Variants in ZNF410 observed in about 807,000 individuals in gnomAD.
ZNF410 encodes zinc finger protein 410, also known as another partner for ARF 1.
In ZNF410, 18 loss-of-function variants were observed where a neutral mutation model predicts 54.8. The observed-to-expected ratio is 0.33, with a 90% confidence interval of 0.23 to 0.49. The LOEUF is 0.49. Among genes scored for constraint, ZNF410 ranks in the 20% least tolerant of loss-of-function variants. The probability of loss-of-function intolerance (pLI) is 0.99; values close to 1 mark genes in which losing one functional copy is unlikely to be tolerated. For synonymous variants in ZNF410, 191 were observed against 207.3 expected (o/e 0.92, Z 0.68); for missense variants, 405 against 569.6 (o/e 0.71, Z 2.94).
At chr14:73,929,463 A>G (rs2055879610) in intron 11 of ZNF410, among the ~76,000 whole-genome samples, 1 of 152,214 alleles carries the variant, frequency 6.6e-6, no homozygotes, top group African/African-American at 2.4e-5. Flanking sequence ...TATGGATCAA[A>G]GTCTACTGAT....
intron 8 of ZNF410, chr14:73,913,735 C>T (rs2055621770): frequency 6.6e-6 from 1 of 152,234 alleles, no homozygotes; most frequent in South Asian, 2.1e-4. Flanking sequence ...CTCTCCAGTC[C>T]TCAGTTTCCT....
chr14:73,918,686 CTTTTTTTTTTTTTT>C (rs71115932), intron 8 of ZNF410, among the ~76,000 whole-genome samples: 8 of 74,644 alleles, frequency 1.1e-4, no homozygotes, highest in South Asian at 6.4e-4. Flanking sequence ...TTCATATGGC[CTTTTTTTTTTTTTT>C]TTTTTTTTTT....
At chr14:73,926,892 A>C (rs1207828439) in intron 11 of ZNF410, among the ~76,000 whole-genome samples, 1 of 152,202 alleles carries the variant, frequency 6.6e-6, no homozygotes, top group Non-Finnish European at 1.5e-5. Context: ...CCTTGGCAAG[A>C]ATATTTCATA....
intron 7 of ZNF410, among the ~76,000 whole-genome samples, chr14:73,905,966 C>CACACAT (rs2055480646): frequency 1.2e-4 from 8 of 66,622 alleles, no homozygotes; most frequent in African/African-American, 3.7e-4. Flanking sequence ...CACACACACA[C>CACACAT]ACATATATAT....
At chr14:73,926,769 A>C (rs918888152) in intron 11 of ZNF410, among the ~76,000 whole-genome samples, 1 of 151,996 alleles carries the variant, frequency 6.6e-6, no homozygotes, top group Non-Finnish European at 1.5e-5. Flanking sequence ...AGATTTTCCC[A>C]CATTCTGGTT....
intron 8 of ZNF410, chr14:73,915,004 TG>T (rs940230573): frequency 1.3e-5 from 2 of 150,500 alleles, no homozygotes; most frequent in African/African-American, 4.9e-5. Context: ...GGCTCACACC[TG>T]CAATCCCAGC....
chr14:73,904,833 G>A, intron 6 of ZNF410, 69 bp from the exon 7 acceptor site: 3 of 1,517,978 alleles, frequency 2.0e-6, no homozygotes, highest in Non-Finnish European at 2.7e-6. Context: ...GAGTCAATAG[G>A]GGCTTTGACT....
At chr14:73,901,132 A>C (rs932801469) in intron 5 of ZNF410, among the ~76,000 whole-genome samples, 1 of 152,202 alleles carries the variant, frequency 6.6e-6, no homozygotes, top group African/African-American at 2.4e-5. Context: ...ATTTTGCATA[A>C]GATGTTGTAT....
At chr14:73,907,897 A>G (rs199567548) in intron 7 of ZNF410, among the ~76,000 whole-genome samples, 11,449 of 151,752 alleles carry the variant, frequency 0.075, 856 homozygotes, top group East Asian at 0.43. Context: ...CTGTCTTGAA[A>G]AAAAAAAAAA....
chr14:73,894,493 C>T (rs2055281543), intron 3 of ZNF410: 1 of 682,116 alleles, frequency 1.5e-6, no homozygotes, highest in Non-Finnish European at 2.7e-6. Flanking sequence ...GCAATCTTGG[C>T]TCACTGCAAC....
At chr14:73,929,103 G>A (rs975020115) in intron 11 of ZNF410, among the ~76,000 whole-genome samples, 1 of 152,162 alleles carries the variant, frequency 6.6e-6, no homozygotes, top group African/African-American at 2.4e-5. Context: ...TTTTCCTCAT[G>A]GGTTTTTGTA....
chr14:73,931,402 A>T, intron 11 of ZNF410, 101 bp from the exon 12 acceptor site: 1 of 982,460 alleles, frequency 1.0e-6, no homozygotes, highest in Non-Finnish European at 1.6e-6. Context: ...TCACCCCTGT[A>T]GTGCATTCTC....
intron 7 of ZNF410, among the ~76,000 whole-genome samples, chr14:73,907,369 G>A (rs937983242): frequency 6.6e-6 from 1 of 152,058 alleles, no homozygotes; most frequent in African/African-American, 2.4e-5. Context: ...AGGCTGAGGT[G>A]AGCACATCAC....
At chr14:73,919,894 T>TTG (rs1735098914) in intron 8 of ZNF410, among the ~76,000 whole-genome samples, 1 of 145,706 alleles carries the variant, frequency 6.9e-6, no homozygotes, top group East Asian at 2.0e-4. Context: ...AGGTTTTTTT[T>TTG]TTTTTTTTTT....
intron 7 of ZNF410, among the ~76,000 whole-genome samples, chr14:73,907,709 T>C (rs530082099): frequency 7.2e-5 from 11 of 151,788 alleles, no homozygotes; most frequent in African/African-American, 2.7e-4. Context: ...CTGACCAACA[T>C]GGTGAAATCC....
chr14:73,915,892 T>G (rs931185246), intron 8 of ZNF410: 4 of 152,126 alleles, frequency 2.6e-5, no homozygotes, highest in Non-Finnish European at 5.9e-5. Flanking sequence ...TTGGTCAGGG[T>G]GTATAGTCCT....
chr14:73,927,134 GGA>G (rs1216106177), intron 11 of ZNF410: 1 of 191,330 alleles, frequency 5.2e-6, no homozygotes, highest in African/African-American at 2.4e-5. Context: ...TGCCCAGGCT[GGA>G]GTGCAGTGGC....
chr14:73,909,482 A>G (rs2055542999), intron 8 of ZNF410, 52 bp downstream of exon 8: 1 of 1,499,448 alleles, frequency 6.7e-7, no homozygotes, highest in Non-Finnish European at 9.3e-7. Flanking sequence ...ACAAAAGAAT[A>G]AAAGGGTTGT....
chr14:73,918,723 C>T (rs1280687207), intron 8 of ZNF410, among the ~76,000 whole-genome samples: 5 of 106,198 alleles, frequency 4.7e-5, no homozygotes, highest in African/African-American at 1.1e-4. Flanking sequence ...TTCCCCTAAA[C>T]GGAGTCTTGC....
Sources: allele counts gnomAD v4.1 joint callset (sites outside exome capture counted in the v4.1 genomes callset), GRCh38; gene constraint gnomAD v4.1.1; transcripts MANE v1.5; gene names NCBI Gene and HGNC (gene_info 2026-07-23, HGNC 2026-07-21).